The following PLXNB1 variants were observed in gnomAD, a reference collection of about 807,000 sequenced individuals.
PLXNB1 encodes the protein plexin-B1.
A neutral mutation model predicts 209.4 loss-of-function variants in PLXNB1; 106 were observed. The observed-to-expected ratio is 0.51, with a 90% CI of 0.43 to 0.59. PLXNB1 has a LOEUF of 0.59. PLXNB1 is among the 20% of genes least tolerant of loss of function. The pLI, the probability that PLXNB1 is intolerant of heterozygous loss-of-function variation, is 0.00. For missense variants in PLXNB1, 2,357 were observed against 2,853.2 expected, an observed-to-expected ratio of 0.83 and a Z score of 3.96; for synonymous variants, 1,167 against 1,183.2, an observed-to-expected ratio of 0.99 and a Z score of 0.28.
Position 48,415,991 on chromosome 3 carries a change from G to A in PLXNB1, c.3617+40C>T, listed in dbSNP as rs1486925557. 1 of 1,584,114 alleles carries A rather than the reference G, an allele frequency of 6.3e-7. No individual in the cohort carries two copies. Among genetic ancestry groups the A allele is most frequent in the Non-Finnish European group, 8.6e-7 (1 of 1,163,394 alleles). ...CTCAGACCCCTCCATCTTTCCCCTG[G>A]AGCAGATGGATTTTTGCAGGATGAG... On this transcript the variant is annotated intron_variant, in intron 18 of 37. Coordinates refer to ENST00000296440, the MANE Select transcript of PLXNB1 (RefSeq NM_001130082.3). This position sits in a 1 kb window ranked among gnomAD's most constrained non-coding sequence, Gnocchi z 5.0.
rs1326782072 is a variant in PLXNB1, at chr3:48,404,437, G to C, written c.*49C>G. The C allele has an allele frequency of 7.7e-7, 1 of 1,304,516 alleles. No homozygotes were observed. The highest frequency in any genetic ancestry group is 2.3e-5 in the East Asian group (1 of 43,214). 80.8% of individuals were successfully genotyped at this position (1,304,516 alleles called of 1,614,324 possible). A position where few individuals can be genotyped will look rare whatever the true frequency, so the allele number is the denominator to read the frequency against. The stretch of plus-strand genomic sequence containing the variant: ...GGTGGCCTCTCCTCCGAGCTTCCAG[G>C]GCTGCCCAGGCCAGGCTGAAGCAAC... On this transcript the variant is annotated 3_prime_UTR_variant, in exon 38 of 38. Transcript: ENST00000296440.
At position 48,409,597 on chromosome 3, in the gene PLXNB1, G is replaced by A. The variant is rs565672487; in HGVS notation, c.5913C>T (p.Asp1971=). 1.9e-6 allele frequency: 3 copies of A among 1,613,914 alleles called. No individual in the cohort carries two copies. Among genetic ancestry groups the A allele is most frequent in the African/African-American group, 1.3e-5 (1 of 74,970 alleles). ...TGTTGGTCTTCCAGATGTGGATGGT[G>A]TCCTGGTCGGAGATGCCATGCTGCT... The part of the protein sequence containing the change: ...QAQQHGISDQ[D]TIHIWKTNSL... Residue 1971 remains aspartate (D), a synonymous_variant, in exon 33 of 38, where the codon GAC becomes GAT. Coordinates refer to ENST00000296440, the MANE Select transcript of PLXNB1 (RefSeq NM_001130082.3). The surrounding 1 kb of genome is among the most constrained non-coding windows in gnomAD (Gnocchi z 5.8).
intron 1 of PLXNB1, among the ~76,000 whole-genome samples, chr3:48,426,509 C>T (rs1028687067): frequency 6.6e-6 from 1 of 152,212 alleles, no homozygotes; most frequent in East Asian, 1.9e-4. Flanking sequence ...TCTCCCAGGT[C>T]GGCTCATCCT....
chr3:48,421,534 G>C (rs991511787), intron 7 of PLXNB1, 140 bp downstream of exon 7: 2 of 1,198,014 alleles, frequency 1.7e-6, no homozygotes, highest in African/African-American at 3.1e-5. Context: ...AAATAGATGG[G>C]GAAACTGAGC....
In PLXNB1 at chr3:48,419,885, G is replaced by A. The variant is rs772084307; in HGVS notation, c.2401C>T (p.Pro801Ser). 1 of 1,565,080 alleles carries A rather than the reference G, an allele frequency of 6.4e-7. No individual in the cohort carries two copies. ...GCCTCGGGGCCAGGGTCTGCAGGGG[G>A]CACTGCTGCTACCTCTGAGGGTGAC... ...PLSPSEVAAV[P>S]PADPGPEALH... Residue 801 changes from proline to serine, a missense_variant, in exon 11 of 38, where the codon CCC becomes TCC. By Grantham distance (74) the Pro-to-Ser change is moderately conservative. This residue lies in a region of PLXNB1 where 410 missense variants were observed against 401.0 expected (regional missense o/e 1.02). Transcript: ENST00000296440. The surrounding 1 kb of genome is among the most constrained non-coding windows in gnomAD (Gnocchi z 5.7).
intron 1 of PLXNB1, among the ~76,000 whole-genome samples, chr3:48,427,190 A>G (rs1375194520): frequency 6.6e-6 from 1 of 152,162 alleles, no homozygotes; most frequent in Non-Finnish European, 1.5e-5. Flanking sequence ...GTTAAAAACA[A>G]AAACAAAAAA....
In PLXNB1 at chr3:48,417,261, GATGTTT is replaced by G. The variant is rs2038161798; in HGVS notation, c.3374+644_3374+649del. 6.6e-6 allele frequency among the ~76,000 whole-genome samples: 1 copy of G among 152,228 alleles called. No homozygotes were observed. Among genetic ancestry groups the G allele is most frequent in the Admixed American group, 6.5e-5 (1 of 15,288 alleles). ...CCCCACCGTGGGCCTCCTGAATCCA[GATGTTT>G]GTGTTGGTTTGGGACAGGATCTGCA... On this transcript the variant is annotated intron_variant, in intron 16 of 37. Transcript: ENST00000296440. The surrounding 1 kb of genome is among the most constrained non-coding windows in gnomAD (Gnocchi z 4.4).
rs746454565 is a variant in PLXNB1 at position 48,419,898 on chromosome 3, C to T, written c.2388G>A (p.Glu796=). The change falls in exon 11 of 38, where the codon GAG becomes GAA. Residue 796 remains glutamate, a synonymous_variant. Coordinates refer to ENST00000296440, the MANE Select transcript of PLXNB1 (RefSeq NM_001130082.3). This position sits in a 1 kb window ranked among gnomAD's most constrained non-coding sequence, Gnocchi z 5.7. ...GGTCTGCAGGGGGCACTGCTGCTACCTCTGAGGGTGACAGCGGGGAGGCCA... is the reference window on the plus strand; with the variant it reads ...GGTCTGCAGGGGGCACTGCTGCTACTTCTGAGGGTGACAGCGGGGAGGCCA... ...DLLASPLSPS[E]VAAVPPADPG... is the part of the protein sequence containing the mutation. 4 of 1,565,184 alleles carry T rather than the reference C, an allele frequency of 2.6e-6. No homozygotes were observed. The African/African-American group carries it at 5.4e-5, about 21-fold the overall frequency.
Position 48,422,769 on chromosome 3 carries a change from T to A in PLXNB1, c.1286A>T (p.His429Leu), listed in dbSNP as rs772717018. Reference protein sequence around the residue: ...AFLGDSQGQLHRVYLGPGSDG... With the variant: ...AFLGDSQGQLLRVYLGPGSDG... ...CAGTACTTCCTGTGGGCTCACCCTG[T>A]GCAGCTGCCCTTGACTATCACCCAG... The change falls in exon 4 of 38, where the codon CAC becomes CTC. Residue 429 changes from histidine to leucine, a missense_variant. Coordinates refer to ENST00000296440, the MANE Select transcript of PLXNB1 (RefSeq NM_001130082.3). 6.2e-7 allele frequency: 1 copy of A among 1,613,682 alleles called. No individual in the cohort carries two copies. The highest frequency in any genetic ancestry group is 1.1e-5 in the South Asian group (1 of 91,032).
rs760430627 is a variant in PLXNB1 at position 48,413,847 on chromosome 3, G to A, written c.4387-29C>T. On this transcript the variant is annotated intron_variant, in intron 22 of 37. Transcript: ENST00000296440. The surrounding 1 kb of genome is among the most constrained non-coding windows in gnomAD (Gnocchi z 5.4). The stretch of plus-strand genomic sequence containing the variant: ...TGTCAGGAGCCACCTGTGAGCAAGG[G>A]TTTGGCCCAGGTCAATGCCCAGCCC... 6.2e-7 allele frequency: 1 copy of A among 1,610,266 alleles called. No homozygotes were observed.
rs2038418265 is a variant in PLXNB1, at chr3:48,420,266, G to A, written c.2029-9C>T. 5 of 1,524,372 alleles carry A rather than the reference G, an allele frequency of 3.3e-6. No homozygotes were observed. Among genetic ancestry groups the A allele is most frequent in the Non-Finnish European group, 4.4e-6 (5 of 1,130,890 alleles). 94.4% of individuals were successfully genotyped at this position (1,524,372 alleles called of 1,614,324 possible). On this transcript the variant is annotated splice_polypyrimidine_tract_variant and intron_variant, in intron 10 of 37. Coordinates refer to ENST00000296440, the MANE Select transcript of PLXNB1 (RefSeq NM_001130082.3). ...GGGGAGACAAGCGGGCTCTGAAGGG[G>A]GAGGCAGAGGAAGACAGGAAGGGCC...
rs2038155537 is a variant in PLXNB1 at position 48,417,165 on chromosome 3, G to C, written c.3375-714C>G. On this transcript the variant is annotated intron_variant, in intron 16 of 37. Transcript: ENST00000296440. This position sits in a 1 kb window ranked among gnomAD's most constrained non-coding sequence, Gnocchi z 4.4. ...TCTAGATAGTCACCGTAAGTTCTCG[G>C]TCATAACACATTCAGGGGACACTCC... Among the ~76,000 whole-genome samples the C allele has an allele frequency of 6.6e-6, 1 of 152,192 alleles. No individual in the cohort carries two copies. Among genetic ancestry groups the C allele is most frequent in the African/African-American group, 2.4e-5 (1 of 41,446 alleles).
At chr3:48,422,595 A>G (rs986973317) in intron 4 of PLXNB1, 136 bp from the exon 5 acceptor site, 3 of 1,280,134 alleles carry the variant, frequency 2.3e-6, no homozygotes, top group African/African-American at 1.5e-5. Context: ...CAACTGGCCT[A>G]GCGGGGATGG....
chr3:48,421,496 T>A (rs1361359423), intron 7 of PLXNB1, 112 bp from the exon 8 acceptor site: 4 of 1,281,958 alleles, frequency 3.1e-6, no homozygotes, highest in Non-Finnish European at 3.2e-6. Context: ...CCCTCAGGCC[T>A]CCCCAAACAC....
At position 48,420,868 on chromosome 3, in the gene PLXNB1, A is replaced by G. The variant is rs1424784933; in HGVS notation, c.1899T>C (p.Thr633=). 3 of 1,613,870 alleles carry G rather than the reference A, an allele frequency of 1.9e-6. No individual in the cohort carries two copies. In the South Asian group the frequency reaches 3.3e-5, roughly 18 times the overall value. The stretch of plus-strand genomic sequence containing the variant: ...CTCACTGCGCAGATGGGCGGAGTTC[A>G]GTGACCGCCACACAGTCATAGAAAG... ...SLSFYDCVAV[T]ELRPSAQCQA... is the part of the protein sequence containing the mutation. Residue 633 remains threonine, a synonymous_variant, in exon 9 of 38, where the codon ACT becomes ACC. Coordinates refer to ENST00000296440, the MANE Select transcript of PLXNB1 (RefSeq NM_001130082.3).
At position 48,406,082 on chromosome 3, in the gene PLXNB1, C is replaced by A; in HGVS notation, c.6229-284G>T. On this transcript the variant is annotated intron_variant, in intron 36 of 37. Transcript: ENST00000296440. The surrounding 1 kb of genome is among the most constrained non-coding windows in gnomAD (Gnocchi z 4.4). Reference sequence around the variant, plus strand: ...TCTGGGGTTTCCACTGAAGCCCTGCCTCTCTCACCCCCTTGAGGTTCTAGC... The same window carrying A: ...TCTGGGGTTTCCACTGAAGCCCTGCATCTCTCACCCCCTTGAGGTTCTAGC... 1 of 368,744 alleles carries A rather than the reference C, an allele frequency of 2.7e-6. No homozygotes were observed. Among genetic ancestry groups the A allele is most frequent in the Non-Finnish European group, 5.2e-6 (1 of 193,246 alleles). The allele number at this position is 368,744 out of a possible 1,614,324, so 22.8% of individuals were successfully genotyped here.
chr3:48,412,775 A>G lies in PLXNB1; in HGVS notation c.4821T>C (p.Ser1607=). 6.2e-7 allele frequency: 1 copy of G among 1,613,538 alleles called. No homozygotes were observed. The highest frequency in any genetic ancestry group is 1.1e-5 in the South Asian group (1 of 91,088). ...PTVEQGLGQL[S]NLLNSKLFLT... ...GGAAGAGCTTGCTGTTGAGCAGGTT[A>G]GAGAGCTGCCCCAGCCCTTGCTCCA... The change falls in exon 25 of 38, where the codon TCT becomes TCC. Residue 1607 remains serine, a synonymous_variant. Transcript: ENST00000296440.
rs375085659 is a variant in PLXNB1, at chr3:48,418,887, C to T, written c.2955+30G>A. ...CAGCCTGTGGCCAGTGCAGTGCACC[C>T]GTGCCCACCCAGGCGCTCATGGTGT... On this transcript the variant is annotated intron_variant, in intron 13 of 37. Transcript: ENST00000296440. This position sits in a 1 kb window ranked among gnomAD's most constrained non-coding sequence, Gnocchi z 6.6. The T allele has an allele frequency of 1.7e-5, 28 of 1,612,728 alleles. No individual in the cohort carries two copies. The highest frequency in any genetic ancestry group is 2.2e-5 in the East Asian group (1 of 44,888).
Position 48,413,132 on chromosome 3 carries a change from C to T in PLXNB1, c.4573G>A (p.Val1525Ile). The change falls in exon 24 of 38, where the codon GTT becomes ATT. Residue 1525 changes from valine to isoleucine, a missense_variant. Around this residue, in one of 7 missense-constraint regions of PLXNB1, gnomAD observed 743 missense variants for 896.2 expected, o/e 0.83. Coordinates refer to ENST00000296440, the MANE Select transcript of PLXNB1 (RefSeq NM_001130082.3). The surrounding 1 kb of genome is among the most constrained non-coding windows in gnomAD (Gnocchi z 5.4). ...TCCAGATTCTCCAGCTGGATCTGAA[C>T]CTTCTTATAGTCCCTCAGGGCCTGC... ...SKQALRDYKK[V>I]QIQLENLESS... The T allele has an allele frequency of 6.2e-7, 1 of 1,613,708 alleles. No homozygotes were observed. The highest frequency in any genetic ancestry group is 8.5e-7 in the Non-Finnish European group (1 of 1,179,990).
Sources: allele counts gnomAD v4.1 joint callset (sites outside exome capture counted in the v4.1 genomes callset), GRCh38; gene constraint gnomAD v4.1.1; regional missense constraint gnomAD v4.1.1; non-coding constraint Gnocchi (gnomAD v3.1); transcripts MANE v1.5; gene names NCBI Gene and HGNC (gene_info 2026-07-23, HGNC 2026-07-21).